DLGAP2: variants seen among roughly 807,000 people sequenced by gnomAD.
DLGAP2 encodes the protein DLG associated protein 2.
In DLGAP2, 26 loss-of-function variants were observed where a neutral mutation model predicts 100.3. The ratio of observed to expected loss-of-function variants is 0.26; its 90% CI spans 0.19 to 0.36. The LOEUF (loss-of-function observed/expected upper bound fraction) is 0.36, where lower values mean the gene tolerates loss of function less well. Among genes scored for constraint, DLGAP2 ranks in the 10% least tolerant of loss-of-function variants. DLGAP2 has a pLI of 1.00. For synonymous variants in DLGAP2, 886 were observed against 630.1 expected, an observed-to-expected ratio of 1.41 and a Z score of -6.08; for missense variants, 1,858 against 1,453.2, an observed-to-expected ratio of 1.28 and a Z score of -4.53.
intron 3 of DLGAP2, among the ~76,000 whole-genome samples, chr8:1,327,122 C>T (rs1801039927): frequency 1.3e-5 from 2 of 152,248 alleles, no homozygotes; most frequent in South Asian, 2.1e-4. Flanking sequence ...CGGAGCCTGC[C>T]TTCCATCCTC....
intron 3 of DLGAP2, among the ~76,000 whole-genome samples, chr8:1,310,049 T>A (rs76426925): frequency 0.14 from 18,101 of 126,770 alleles, 1,718 homozygotes; most frequent in African/African-American, 0.32. Flanking sequence ...ACAGGGCAAG[T>A]CTCCATCTCA....
intron 4 of DLGAP2, among the ~76,000 whole-genome samples, chr8:1,518,941 G>A (rs1800489864): frequency 6.6e-6 from 1 of 152,284 alleles, no homozygotes; most frequent in East Asian, 1.9e-4. Flanking sequence ...GCTAAGATGA[G>A]ACCAACTCTG....
At chr8:1,049,201 G>A (rs766216962) in intron 2 of DLGAP2, among the ~76,000 whole-genome samples, 3 of 152,176 alleles carry the variant, frequency 2.0e-5, no homozygotes, top group Admixed American at 6.5e-5. Flanking sequence ...ATTGTCTCTC[G>A]AGTTACGGGG....
At chr8:1,099,395 G>T (rs1012808212) in intron 2 of DLGAP2, among the ~76,000 whole-genome samples, 4 of 152,182 alleles carry the variant, frequency 2.6e-5, no homozygotes, top group Non-Finnish European at 5.9e-5. Context: ...ATCTTTGCTC[G>T]CAAGTTTCAT....
intron 8 of DLGAP2, among the ~76,000 whole-genome samples, chr8:1,634,553 CT>C (rs1479508233): frequency 6.6e-6 from 1 of 152,200 alleles, no homozygotes; most frequent in African/African-American, 2.4e-5. Flanking sequence ...TTCTCATGCT[CT>C]GTCCTGATGT....
At chr8:848,787 C>T (rs1485279022) in intron 1 of DLGAP2, among the ~76,000 whole-genome samples, 6 of 146,678 alleles carry the variant, frequency 4.1e-5, no homozygotes, top group South Asian at 2.2e-4. Context: ...TAGGGTCGTG[C>T]GGTGCGTGTT....
intron 3 of DLGAP2, among the ~76,000 whole-genome samples, chr8:1,318,890 G>C (rs906814739): frequency 6.8e-6 from 1 of 146,926 alleles, no homozygotes; most frequent in East Asian, 2.0e-4. Context: ...CCACTTAGAA[G>C]GGTCCAGTGG....
At chr8:1,697,074 G>C (rs1799416624) in intron 13 of DLGAP2, 73 bp from the exon 14 acceptor site, 1 of 1,401,474 alleles carries the variant, frequency 7.1e-7, no homozygotes, top group Admixed American at 3.2e-5. Flanking sequence ...GCATGCGTGG[G>C]GAGGAGTGGC....
chr8:1,246,867 T>A (rs1243836686), intron 2 of DLGAP2: 1 of 127,788 alleles, frequency 7.8e-6, no homozygotes, highest in Admixed American at 8.0e-5. Context: ...ACCTTTGAGA[T>A]CATTGTGGGA....
intron 2 of DLGAP2, among the ~76,000 whole-genome samples, chr8:1,188,022 G>A (rs1797549856): frequency 2.5e-5 from 3 of 121,252 alleles, no homozygotes; most frequent in East Asian, 2.4e-4. Flanking sequence ...CACACGCCCG[G>A]GACTTCCGTG....
intron 2 of DLGAP2, among the ~76,000 whole-genome samples, chr8:1,245,303 G>A (rs1277288462): frequency 1.3e-5 from 2 of 152,156 alleles, no homozygotes; most frequent in African/African-American, 4.8e-5. Flanking sequence ...TGCTTACAGA[G>A]GCATTATTCA....
At chr8:1,631,620 G>GACCTCT (rs1797647420) in intron 7 of DLGAP2, among the ~76,000 whole-genome samples, 2 of 152,284 alleles carry the variant, frequency 1.3e-5, no homozygotes, top group East Asian at 3.9e-4. Flanking sequence ...TTCTGAAAAA[G>GACCTCT]GCCACCCCGC....
chr8:1,036,165 G>A (rs1237377363), intron 2 of DLGAP2, among the ~76,000 whole-genome samples: 1 of 80,446 alleles, frequency 1.2e-5, no homozygotes, highest in South Asian at 4.2e-4. Flanking sequence ...GGATTCACAC[G>A]CTCATCCCGA....
chr8:807,826 G>A (rs1796297350), intron 1 of DLGAP2, among the ~76,000 whole-genome samples: 1 of 152,158 alleles, frequency 6.6e-6, no homozygotes, highest in African/African-American at 2.4e-5. Flanking sequence ...CTTTCAAAAT[G>A]ACGGGGGTGC....
chr8:1,336,381 C>T (rs56071402), intron 3 of DLGAP2, among the ~76,000 whole-genome samples: 3 of 152,188 alleles, frequency 2.0e-5, no homozygotes, highest in East Asian at 3.9e-4. Flanking sequence ...GGAAAAGTGG[C>T]GAGGAGGAGG....
At chr8:755,561 G>A (rs962363756) in intron 1 of DLGAP2, among the ~76,000 whole-genome samples, 8 of 152,210 alleles carry the variant, frequency 5.3e-5, no homozygotes, top group Admixed American at 6.5e-5. Context: ...GAAGCCCAGC[G>A]GAGAAGCGGC....
intron 5 of DLGAP2, among the ~76,000 whole-genome samples, chr8:1,559,806 C>T (rs960624092): frequency 3.9e-5 from 6 of 152,214 alleles, no homozygotes; most frequent in Non-Finnish European, 7.3e-5. Flanking sequence ...AGCGTGAGCT[C>T]CCCCGTGCCC....
chr8:1,270,889 G>A (rs1176708027), intron 3 of DLGAP2, among the ~76,000 whole-genome samples: 2 of 152,004 alleles, frequency 1.3e-5, no homozygotes, highest in Non-Finnish European at 2.9e-5. Flanking sequence ...TTTTCTAGAT[G>A]TTCTTCGTAA....
intron 2 of DLGAP2, among the ~76,000 whole-genome samples, chr8:1,215,450 T>A (rs112804308): frequency 2.0e-3 from 288 of 144,750 alleles, no homozygotes; most frequent in Middle Eastern, 7.2e-3. Context: ...TGGGTTCATT[T>A]GGGTGCATCA....
Sources: gnomAD v4.1 joint callset for allele counts (sites outside exome capture counted in the v4.1 genomes callset) on GRCh38, gnomAD v4.1.1 for gene constraint, MANE v1.5 for transcripts, NCBI Gene and HGNC (gene_info 2026-07-23, HGNC 2026-07-21) for gene names.